The following ACMSD variants were observed in gnomAD, a reference collection of about 807,000 sequenced individuals.
ACMSD encodes the protein 2-amino-3-carboxymuconate-6-semialdehyde decarboxylase.
Under a neutral mutation model 45.9 loss-of-function variants are expected in ACMSD, and 37 were observed. The observed-to-expected ratio is 0.81, with a 90% CI of 0.62 to 1.06. The LOEUF is 1.06. ACMSD is among the 50% of genes least tolerant of loss of function. The pLI, the probability that ACMSD is intolerant of heterozygous loss-of-function variation, is 0.00. For missense variants in ACMSD, 434 were observed against 420.9 expected (o/e 1.03, Z -0.27); for synonymous variants, 138 against 148.8 (o/e 0.93, Z 0.53).
intron 8 of ACMSD, among the ~76,000 whole-genome samples, chr2:134,895,106 C>T (rs1173496476): frequency 1.3e-5 from 2 of 151,474 alleles, no homozygotes; most frequent in African/African-American, 4.8e-5. Context: ...GAGATCAAGA[C>T]CATCCTGGCT....
chr2:134,851,952 T>C (rs1687364503), intron 2 of ACMSD, among the ~76,000 whole-genome samples: 1 of 152,234 alleles, frequency 6.6e-6, no homozygotes, highest in South Asian at 2.1e-4. Flanking sequence ...GGGTATTTAC[T>C]TCTCCTATGG....
At chr2:134,862,098 T>C (rs1687876981) in intron 4 of ACMSD, 80 bp downstream of exon 4, 1 of 1,492,764 alleles carries the variant, frequency 6.7e-7, no homozygotes, top group South Asian at 1.1e-5. Flanking sequence ...ATGCCTCAAG[T>C]TTGGACACCA....
intron 3 of ACMSD, among the ~76,000 whole-genome samples, chr2:134,860,856 C>CA (rs60233157): frequency 0.019 from 1,403 of 72,304 alleles, 47 homozygotes; most frequent in African/African-American, 0.058. Context: ...CCTGTCTCCA[C>CA]AAAAAAAAAA....
At chr2:134,875,362 A>G (rs1323306786) in intron 8 of ACMSD, among the ~76,000 whole-genome samples, 1 of 152,226 alleles carries the variant, frequency 6.6e-6, no homozygotes, top group African/African-American at 2.4e-5. Flanking sequence ...TTGTTTATGT[A>G]TAAACTTTAC....
At chr2:134,864,286 T>G (rs1312598142) in intron 5 of ACMSD, among the ~76,000 whole-genome samples, 3 of 149,282 alleles carry the variant, frequency 2.0e-5, no homozygotes, top group Non-Finnish European at 4.5e-5. Flanking sequence ...AAAAAAAATC[T>G]GCTTTGGAAA....
chr2:134,881,398 C>A (rs898186532), intron 8 of ACMSD, among the ~76,000 whole-genome samples: 2 of 152,180 alleles, frequency 1.3e-5, no homozygotes, highest in East Asian at 1.9e-4. Flanking sequence ...CTTTTAGGAG[C>A]AACACTGTCA....
intron 8 of ACMSD, chr2:134,872,845 A>G: frequency 5.3e-6 from 3 of 570,958 alleles, no homozygotes; most frequent in Non-Finnish European, 9.3e-6. Flanking sequence ...ACATAACACT[A>G]AGAAACTATT....
chr2:134,869,706 GTATA>G (rs149963659), intron 6 of ACMSD, among the ~76,000 whole-genome samples: 1 of 145,320 alleles, frequency 6.9e-6, no homozygotes, highest in Non-Finnish European at 1.5e-5. Flanking sequence ...TTATAAACAA[GTATA>G]TATATATATA....
rs966494120 is a variant in ACMSD, at chr2:134,885,090, G to A, written c.849+12449G>A. On this transcript the variant is annotated intron_variant, in intron 8 of 9. Transcript: ENST00000356140. ...GCACACCTGTAGTCCCAGCTACTTG[G>A]GAGGATGAGGTGAGAGGATCACTTG... Among the ~76,000 whole-genome samples, 3 of 150,068 alleles carry A rather than the reference G, an allele frequency of 2.0e-5. No individual in the cohort carries two copies. In the East Asian group the frequency reaches 5.9e-4, roughly 29 times the overall value.
At chr2:134,898,728 T>A (rs753282382) in intron 9 of ACMSD, among the ~76,000 whole-genome samples, 3 of 151,902 alleles carry the variant, frequency 2.0e-5, no homozygotes, top group Non-Finnish European at 2.9e-5. Flanking sequence ...ATAGGAAAAA[T>A]GTCTAAATTT....
chr2:134,862,997 A>G, intron 4 of ACMSD: 1 of 985,446 alleles, frequency 1.0e-6, no homozygotes. Flanking sequence ...ATGGGGCATG[A>G]CAAGGAGGTG....
At chr2:134,881,405 G>T (rs1212349513) in intron 8 of ACMSD, among the ~76,000 whole-genome samples, 1 of 152,188 alleles carries the variant, frequency 6.6e-6, no homozygotes, top group Non-Finnish European at 1.5e-5. Flanking sequence ...GAGCAACACT[G>T]TCAGTTTTTA....
At chr2:134,885,306 A>AT (rs1689299551) in intron 8 of ACMSD, among the ~76,000 whole-genome samples, 1 of 75,422 alleles carries the variant, frequency 1.3e-5, no homozygotes, top group East Asian at 2.9e-4. Flanking sequence ...TATATATTTA[A>AT]ATATATATAT....
intron 2 of ACMSD, among the ~76,000 whole-genome samples, chr2:134,853,149 C>A (rs1422617117): frequency 7.7e-6 from 1 of 129,954 alleles, no homozygotes; most frequent in African/African-American, 3.0e-5. Flanking sequence ...GGGAACAGAG[C>A]GAGACTCCAT....
chr2:134,857,750 TC>T (rs1401888636), intron 2 of ACMSD: 1 of 151,680 alleles, frequency 6.6e-6, no homozygotes, highest in Non-Finnish European at 1.5e-5. Context: ...CTTGTCATGT[TC>T]CTGATCTTAG....
At chr2:134,887,091 C>T (rs978616588) in intron 8 of ACMSD, among the ~76,000 whole-genome samples, 2 of 152,090 alleles carry the variant, frequency 1.3e-5, no homozygotes, top group Non-Finnish European at 2.9e-5. Context: ...TTTTAAAAAT[C>T]TAAATAAATG....
chr2:134,878,037 C>T (rs945215325), intron 8 of ACMSD, among the ~76,000 whole-genome samples: 2 of 152,166 alleles, frequency 1.3e-5, no homozygotes, highest in Admixed American at 1.3e-4. Context: ...ACTTTAAAGT[C>T]TAGGATTTTG....
At chr2:134,863,713 T>G (rs1573648720) in intron 5 of ACMSD, 82 bp downstream of exon 5, 1 of 1,420,576 alleles carries the variant, frequency 7.0e-7, no homozygotes, top group Admixed American at 1.8e-5. Context: ...AGGGAGGAGG[T>G]GAAGCGTCAC....
At chr2:134,898,251 C>T in intron 8 of ACMSD, 90 bp from the exon 9 acceptor site, 2 of 685,036 alleles carry the variant, frequency 2.9e-6, no homozygotes, top group Non-Finnish European at 2.2e-6. Flanking sequence ...ATTTTTATGA[C>T]AGGAATGTTT....
Sources: allele counts gnomAD v4.1 joint callset (sites outside exome capture counted in the v4.1 genomes callset), GRCh38; gene constraint gnomAD v4.1.1; transcripts MANE v1.5; gene names NCBI Gene and HGNC (gene_info 2026-07-23, HGNC 2026-07-21).